CNTN5: variants seen among roughly 807,000 people sequenced by gnomAD.
The protein encoded by CNTN5 is contactin 5.
In CNTN5, 77 loss-of-function variants were observed where a neutral mutation model predicts 129.1. That is an observed-to-expected ratio of 0.60 (90% CI 0.50 to 0.72). The LOEUF is 0.72. Among genes scored for constraint, CNTN5 ranks in the 30% least tolerant of loss-of-function variants. CNTN5 has a pLI of 0.00. For missense variants in CNTN5, 1,478 were observed against 1,328.8 expected, an observed-to-expected ratio of 1.11 and a Z score of -1.75; for synonymous variants, 509 against 465.6, an observed-to-expected ratio of 1.09 and a Z score of -1.20.
At chr11:99,678,944 T>A (rs1396465075) in intron 3 of CNTN5, among the ~76,000 whole-genome samples, 2 of 149,848 alleles carry the variant, frequency 1.3e-5, no homozygotes, top group African/African-American at 4.9e-5. Context: ...TTTTATTGTA[T>A]CTGCTATTCA....
intron 3 of CNTN5, among the ~76,000 whole-genome samples, chr11:99,744,448 C>T (rs11221192): frequency 3.4e-5 from 5 of 146,760 alleles, no homozygotes; most frequent in African/African-American, 1.3e-4. Context: ...TGCCTGTAAT[C>T]TCAGCACTTT....
intron 15 of CNTN5, among the ~76,000 whole-genome samples, chr11:100,205,618 G>A (rs1948896522): frequency 6.6e-6 from 1 of 151,826 alleles, no homozygotes; most frequent in Admixed American, 6.6e-5. Flanking sequence ...CTGTCTCACG[G>A]GTTCTGTATC....
At chr11:99,161,726 G>T (rs547584040) in intron 1 of CNTN5, among the ~76,000 whole-genome samples, 1 of 152,214 alleles carries the variant, frequency 6.6e-6, no homozygotes, top group African/African-American at 2.4e-5. Context: ...CAGCCAAACA[G>T]AATTCTGAAA....
At chr11:99,640,818 C>G (rs688000) in intron 3 of CNTN5, among the ~76,000 whole-genome samples, 91,387 of 151,970 alleles carry the variant, frequency 0.6, 28,309 homozygotes, top group Admixed American at 0.69. Flanking sequence ...GCACATTTCT[C>G]AGAATGTATC....
At chr11:99,559,854 T>C (rs1052596073) in intron 3 of CNTN5, among the ~76,000 whole-genome samples, 2 of 152,172 alleles carry the variant, frequency 1.3e-5, no homozygotes, top group African/African-American at 4.8e-5. Context: ...TGGAATACTA[T>C]TCAGTGATAA....
At chr11:99,477,813 TA>T (rs907371199) in intron 2 of CNTN5, among the ~76,000 whole-genome samples, 29 of 151,692 alleles carry the variant, frequency 1.9e-4, no homozygotes, top group Non-Finnish European at 2.5e-4. Context: ...TTATTTCCTT[TA>T]AAAAAATAAA....
At chr11:99,906,264 C>T (rs1949503108) in intron 6 of CNTN5, among the ~76,000 whole-genome samples, 2 of 152,088 alleles carry the variant, frequency 1.3e-5, no homozygotes, top group Non-Finnish European at 2.9e-5. Flanking sequence ...ATGATACTGG[C>T]TGTGGGTTTT....
At chr11:99,414,148 ATATAT>A (rs1418403878) in intron 2 of CNTN5, among the ~76,000 whole-genome samples, 4 of 152,352 alleles carry the variant, frequency 2.6e-5, no homozygotes, top group Non-Finnish European at 5.9e-5. Flanking sequence ...GAAACCTGTT[ATATAT>A]TATATTTCTG....
intron 3 of CNTN5, among the ~76,000 whole-genome samples, chr11:99,667,443 A>G (rs965137648): frequency 1.3e-5 from 2 of 152,148 alleles, no homozygotes; most frequent in East Asian, 1.9e-4. Flanking sequence ...TTACACCTCA[A>G]TGGCTAATGT....
intron 11 of CNTN5, 102 bp downstream of exon 11, chr11:100,070,662 C>A: frequency 9.6e-7 from 1 of 1,039,206 alleles, no homozygotes; most frequent in Non-Finnish European, 1.4e-6. Context: ...TTTCCTGTTT[C>A]TGATTCGTAT....
intron 8 of CNTN5, among the ~76,000 whole-genome samples, chr11:99,989,120 A>AGAAATCACAATTTCTAGT (rs1938885800): frequency 2.0e-5 from 3 of 152,238 alleles, no homozygotes; most frequent in Non-Finnish European, 2.9e-5. Context: ...TGAACTGTAT[A>AGAAATCACAATTTCTAGT]GAAATCACAA....
rs528116423 is a variant in CNTN5 at position 99,676,457 on chromosome 11, A to T, written c.55+120188A>T. ...GTCACATTATGGGATTTTTCCAAGAAATACATTTCTTTCTCATAGGCCCCT... is the reference window on the plus strand; with the variant it reads ...GTCACATTATGGGATTTTTCCAAGATATACATTTCTTTCTCATAGGCCCCT... On this transcript the variant is annotated intron_variant, in intron 3 of 24. Transcript: ENST00000524871. 5.3e-5 allele frequency among the ~76,000 whole-genome samples: 8 copies of T among 152,326 alleles called. No homozygotes were observed. The South Asian group carries it at 1.4e-3, about 28-fold the overall frequency.
chr11:100,350,501 C>A (rs1010448351), intron 23 of CNTN5, among the ~76,000 whole-genome samples: 1 of 151,734 alleles, frequency 6.6e-6, no homozygotes, highest in Non-Finnish European at 1.5e-5. Flanking sequence ...AACCCCTAGA[C>A]AAAATTAAAC....
chr11:100,258,396 T>C (rs144562555), intron 17 of CNTN5, among the ~76,000 whole-genome samples: 6,607 of 152,152 alleles, frequency 0.043, 190 homozygotes, highest in Middle Eastern at 0.12. Flanking sequence ...TTCCCCAACC[T>C]AGGAAGACAG....
At chr11:99,802,284 G>C (rs1946138261) in intron 3 of CNTN5, among the ~76,000 whole-genome samples, 1 of 152,132 alleles carries the variant, frequency 6.6e-6, no homozygotes, top group South Asian at 2.1e-4. Flanking sequence ...GGTTTATTAG[G>C]AGATTGTCTC....
chr11:99,830,113 A>G (rs1591271288), intron 4 of CNTN5, among the ~76,000 whole-genome samples: 1 of 152,150 alleles, frequency 6.6e-6, no homozygotes, highest in Non-Finnish European at 1.5e-5. Context: ...AGATAGGTCA[A>G]ACTTTTTTCG....
At chr11:100,031,301 A>G (rs1941695747) in intron 9 of CNTN5, among the ~76,000 whole-genome samples, 1 of 152,182 alleles carries the variant, frequency 6.6e-6, no homozygotes, top group Admixed American at 6.5e-5. Flanking sequence ...GCCAGGTTGG[A>G]CTGCCAGAAT....
rs554850994 is a variant in CNTN5 at position 99,333,160 on chromosome 11, T to C, written c.-71+7676T>C. On this transcript the variant is annotated intron_variant, in intron 2 of 24. Transcript: ENST00000524871. ...CAAATGTCATTTGTAAAAAGTTTTA[T>C]GCTTTTATTTTAATGCTACATTTGG... is the stretch of plus-strand genomic sequence containing the variant. 8.5e-5 allele frequency among the ~76,000 whole-genome samples: 13 copies of C among 152,180 alleles called. No individual in the cohort carries two copies. The East Asian group carries it at 2.5e-3, about 29-fold the overall frequency.
rs114897506 is a variant in CNTN5 at position 99,860,216 on chromosome 11, G to A, written c.577+14954G>A. Among the ~76,000 whole-genome samples, 987 of 151,778 alleles carry A rather than the reference G, an allele frequency of 6.5e-3. 11 individuals carry two copies. The highest frequency in any genetic ancestry group is 0.023 in the African/African-American group (938 of 41,298). ...TATAGATTCTGAATATTAGGCCTTT[G>A]TCTGAGGTGTAGTATACAGATATTT... On this transcript the variant is annotated intron_variant, in intron 6 of 24. Coordinates refer to ENST00000524871, the MANE Select transcript of CNTN5 (RefSeq NM_014361.4).
Sources: gnomAD v4.1 joint callset for allele counts (sites outside exome capture counted in the v4.1 genomes callset) on GRCh38, gnomAD v4.1.1 for gene constraint, MANE v1.5 for transcripts, NCBI Gene and HGNC (gene_info 2026-07-23, HGNC 2026-07-21) for gene names.